RET: variants seen among roughly 807,000 people sequenced by gnomAD.
The protein encoded by RET is ret proto-oncogene, also known as proto-oncogene tyrosine-protein kinase receptor Ret.
In RET, 19 loss-of-function variants were observed where a neutral mutation model predicts 118.3. The observed-to-expected ratio is 0.16, with a 90% confidence interval of 0.11 to 0.24. The LOEUF is 0.24. Among genes scored for constraint, RET ranks in the 10% least tolerant of loss-of-function variants. RET has a pLI of 1.00. For missense variants in RET, 1,219 were observed against 1,502.1 expected, an observed-to-expected ratio of 0.81 and a Z score of 3.12; for synonymous variants, 597 against 644.1, an observed-to-expected ratio of 0.93 and a Z score of 1.11.
chr10:43,081,783 C>A (rs984710097), intron 1 of RET, among the ~76,000 whole-genome samples: 1 of 152,202 alleles, frequency 6.6e-6, no homozygotes, highest in African/African-American at 2.4e-5. Flanking sequence ...CTGGCTCCCC[C>A]ACTAGAACAG....
rs1837849249 is a variant in RET at position 43,109,024 on chromosome 10, C to T, written c.1064-7C>T. On this transcript the variant is annotated splice_polypyrimidine_tract_variant and splice_region_variant and intron_variant, in intron 5 of 19. Coordinates refer to ENST00000355710, the MANE Select transcript of RET (RefSeq NM_020975.6). ...CTTGGTGGTCATTGTTGTGCCCCTA[C>T]CTGCAGGGCTGGTTCTCAACCGGAA... The T allele has an allele frequency of 6.2e-7, 1 of 1,611,660 alleles. No homozygotes were observed. The highest frequency in any genetic ancestry group is 1.1e-5 in the South Asian group (1 of 91,078).
intron 18 of RET, among the ~76,000 whole-genome samples, chr10:43,125,268 GA>G (rs1474447653): frequency 6.6e-6 from 1 of 152,196 alleles, no homozygotes; most frequent in East Asian, 1.9e-4. Flanking sequence ...AAGCCAAAAA[GA>G]AATAGTTTTC....
intron 1 of RET, among the ~76,000 whole-genome samples, chr10:43,082,949 A>C (rs1342355838): frequency 6.6e-6 from 1 of 152,208 alleles, no homozygotes; most frequent in Non-Finnish European, 1.5e-5. Context: ...CAACTGGCAC[A>C]GACCCGGCAG....
At chr10:43,090,201 C>T (rs1230550994) in intron 1 of RET, among the ~76,000 whole-genome samples, 2 of 152,210 alleles carry the variant, frequency 1.3e-5, no homozygotes, top group Non-Finnish European at 2.9e-5. Context: ...AGGGGTGAGG[C>T]TGAGAGCCCA....
intron 1 of RET, among the ~76,000 whole-genome samples, chr10:43,100,255 C>T (rs997494553): frequency 2.0e-5 from 3 of 152,190 alleles, no homozygotes; most frequent in Non-Finnish European, 4.4e-5. Flanking sequence ...ACTGCTTCCC[C>T]TGTTTCCTTT....
chr10:43,093,873 G>C (rs1837460918), intron 1 of RET, among the ~76,000 whole-genome samples: 1 of 152,100 alleles, frequency 6.6e-6, no homozygotes, highest in Non-Finnish European at 1.5e-5. Context: ...AATGAGGCAA[G>C]AAGAAGGCCA....
intron 2 of RET, 118 bp downstream of exon 2, chr10:43,100,840 A>C: frequency 2.6e-6 from 3 of 1,169,506 alleles, no homozygotes; most frequent in Non-Finnish European, 3.7e-6. Context: ...GCTGGTGTGG[A>C]AGGCGTCAGG....
intron 13 of RET, among the ~76,000 whole-genome samples, chr10:43,119,087 G>A (rs1483062443): frequency 6.6e-6 from 1 of 152,212 alleles, no homozygotes; most frequent in African/African-American, 2.4e-5. Context: ...TGGAGGCTGG[G>A]CCTGGGACAG....
intron 13 of RET, 62 bp downstream of exon 13, chr10:43,118,542 C>A: frequency 8.5e-7 from 1 of 1,176,166 alleles, no homozygotes; most frequent in Non-Finnish European, 1.3e-6. Flanking sequence ...CTCCATACAG[C>A]CCTGTTCTCC....
chr10:43,094,951 G>A (rs1219412004), intron 1 of RET, among the ~76,000 whole-genome samples: 1 of 152,180 alleles, frequency 6.6e-6, no homozygotes. Context: ...GTCTGACCAG[G>A]AGACAGCCCC....
chr10:43,098,550 T>C (rs1026595343), intron 1 of RET, among the ~76,000 whole-genome samples: 1 of 151,734 alleles, frequency 6.6e-6, no homozygotes, highest in Non-Finnish European at 1.5e-5. Flanking sequence ...GCCTCTCAAG[T>C]AGCTGAGATT....
chr10:43,106,715 C>A lies in RET; in HGVS notation c.1063+144C>A. The A allele has an allele frequency of 1.2e-6, 1 of 857,752 alleles. No homozygotes were observed. Among genetic ancestry groups the A allele is most frequent in the Non-Finnish European group, 1.8e-6 (1 of 546,800 alleles). The allele number at this position is 857,752 out of a possible 1,614,324, so 53.1% of individuals were successfully genotyped here. Reference sequence around the variant, plus strand: ...CACTTCCCCTCCACCCTCTGCCCAGCACTTCCTGTGTCTCTGCCAGGCCTG... The same window carrying A: ...CACTTCCCCTCCACCCTCTGCCCAGAACTTCCTGTGTCTCTGCCAGGCCTG... On this transcript the variant is annotated intron_variant, in intron 5 of 19. Coordinates refer to ENST00000355710, the MANE Select transcript of RET (RefSeq NM_020975.6). The surrounding 1 kb of genome is among the most constrained non-coding windows in gnomAD (Gnocchi z 5.1).
In RET at chr10:43,116,590, C is replaced by A. The variant is rs1838075429; in HGVS notation, c.2143C>A (p.Pro715Thr). 1.2e-6 allele frequency: 2 copies of A among 1,613,772 alleles called. No individual in the cohort carries two copies. The highest frequency in any genetic ancestry group is 1.1e-5 in the South Asian group (1 of 91,068). ...TCCCTCATTTCCAACATAGGAGGAT[C>A]CAAAGTGGGAATTCCCTCGGAAGAA... ...SVDAFKILED[P>T]KWEFPRKNLV... The change falls in exon 12 of 20, where the codon CCA becomes ACA. Residue 715 changes from proline (P) to threonine (T), a missense_variant. By Grantham distance (38) the Pro-to-Thr change is conservative. Transcript: ENST00000355710.
rs755946631 is a variant in RET at position 43,126,688 on chromosome 10, C to G, written c.3153C>G (p.Ala1051=). The G allele has an allele frequency of 3.7e-6, 6 of 1,614,046 alleles. No homozygotes were observed. The highest frequency in any genetic ancestry group is 4.2e-6 in the Non-Finnish European group (5 of 1,180,008). Residue 1051 remains alanine (A), a synonymous_variant, in exon 19 of 20, where the codon GCC becomes GCG. Transcript: ENST00000355710. ...GTAATAATGCCCCCCTCCCTCGAGC[C>G]CTCCCTTCCACATGGATTGAAAACA... The part of the protein sequence containing the change: ...VDCNNAPLPR[A]LPSTWIENKL...
At chr10:43,110,574 G>T (rs1588870458) in intron 6 of RET, among the ~76,000 whole-genome samples, 1 of 152,078 alleles carries the variant, frequency 6.6e-6, no homozygotes. Context: ...CTTTCCCAGG[G>T]GCTCTGGTCA....
chr10:43,084,035 A>G (rs1442330750), intron 1 of RET, among the ~76,000 whole-genome samples: 1 of 152,190 alleles, frequency 6.6e-6, no homozygotes, highest in Non-Finnish European at 1.5e-5. Flanking sequence ...GGCTTCACTC[A>G]GCATAAGGTC....
In RET at chr10:43,111,410, C is replaced by A. The variant is rs372648203; in HGVS notation, c.1467C>A (p.Asp489Glu). 6 of 1,613,946 alleles carry A rather than the reference C, an allele frequency of 3.7e-6. No homozygotes were observed. Among genetic ancestry groups the A allele is most frequent in the Non-Finnish European group, 5.1e-6 (6 of 1,180,022 alleles). ...AELHYMVVAT[D>E]QQTSRQAQAQ... ...TTCACTACATGGTGGTGGCCACCGACCAGCAGACCTCTAGGCAGGCCCAGG... is the reference window on the plus strand; with the variant it reads ...TTCACTACATGGTGGTGGCCACCGAACAGCAGACCTCTAGGCAGGCCCAGG... Residue 489 changes from aspartate (D) to glutamate (E), a missense_variant, in exon 7 of 20, where the codon GAC (aspartate) becomes GAA (glutamate). Physicochemically the swap from Asp to Glu is conservative, Grantham distance 45. Around this residue, in one of 5 missense-constraint regions of RET, gnomAD observed 850 missense variants for 969.6 expected, o/e 0.88. Transcript: ENST00000355710.
intron 19 of RET, chr10:43,127,086 CA>C (rs1838351998): frequency 1.2e-5 from 14 of 1,195,518 alleles, no homozygotes; most frequent in Non-Finnish European, 1.5e-5. Flanking sequence ...GATAAATATA[CA>C]AATCTGGGGA....
chr10:43,101,137 G>A (rs1266521236), intron 2 of RET, among the ~76,000 whole-genome samples: 1 of 152,220 alleles, frequency 6.6e-6, no homozygotes, highest in African/African-American at 2.4e-5. Flanking sequence ...ATCAGCAGCT[G>A]GCTGCCCTTG....
Sources: gnomAD v4.1 joint callset for allele counts (sites outside exome capture counted in the v4.1 genomes callset) on GRCh38, gnomAD v4.1.1 for gene constraint, gnomAD v4.1.1 regional missense constraint, Gnocchi (gnomAD v3.1) non-coding constraint, MANE v1.5 for transcripts, NCBI Gene and HGNC (gene_info 2026-07-23, HGNC 2026-07-21) for gene names.